Variants in ASAP2 observed in about 807,000 individuals in gnomAD.
The protein encoded by ASAP2 is ArfGAP with SH3 domain, ankyrin repeat and PH domain 2.
A neutral mutation model predicts 131.4 loss-of-function variants in ASAP2; 45 were observed. The ratio of observed to expected loss-of-function variants is 0.34; its 90% confidence interval spans 0.27 to 0.44. The LOEUF (loss-of-function observed/expected upper bound fraction) is 0.44. Ranked by LOEUF, ASAP2 falls within the 20% of genes least tolerant of loss-of-function variation. ASAP2 has a pLI of 1.00. For missense variants in ASAP2, 1,011 were observed against 1,297.0 expected (o/e 0.78, Z 3.39); for synonymous variants, 510 against 503.0 (o/e 1.01, Z -0.19).
At chr2:9,263,242 G>A (rs531607282) in intron 1 of ASAP2, among the ~76,000 whole-genome samples, 1 of 152,116 alleles carries the variant, frequency 6.6e-6, no homozygotes, top group African/African-American at 2.4e-5. Flanking sequence ...TTTCTACCTC[G>A]AGTCTGCTCT....
chr2:9,226,011 A>G (rs1572197273), intron 1 of ASAP2, among the ~76,000 whole-genome samples: 1 of 152,174 alleles, frequency 6.6e-6, no homozygotes, highest in East Asian at 1.9e-4. Flanking sequence ...AAGGAGAAAC[A>G]ATGGTTCTGC....
chr2:9,326,971 C>T (rs78990137), intron 6 of ASAP2, among the ~76,000 whole-genome samples: 1,737 of 152,128 alleles, frequency 0.011, 62 homozygotes, highest in Admixed American at 0.075. Context: ...GATACATTAC[C>T]AAATATTTAA....
At chr2:9,225,960 C>G (rs1241348960) in intron 1 of ASAP2, among the ~76,000 whole-genome samples, 1 of 152,224 alleles carries the variant, frequency 6.6e-6, no homozygotes, top group Non-Finnish European at 1.5e-5. Context: ...GCCGTGGGTT[C>G]TGCGGAGTTC....
chr2:9,378,951 C>A lies in ASAP2; in HGVS notation c.1840C>A (p.Leu614Met). 2 of 1,467,788 alleles carry A rather than the reference C, an allele frequency of 1.4e-6. No individual in the cohort carries two copies. Among genetic ancestry groups the A allele is most frequent in the Non-Finnish European group, 1.8e-6 (2 of 1,099,954 alleles). The allele number at this position is 1,467,788 out of a possible 1,614,324, so 90.9% of individuals were successfully genotyped here. A position where few individuals can be genotyped will look rare whatever the true frequency, so the allele number is the denominator to read the frequency against. ...GTTCCTGTTCTCGGGCAGTGGGAAC[C>A]TGGATAAACAGACAGGGAAAGGCAG... is the stretch of plus-strand genomic sequence containing the variant. Reference protein sequence around the residue: ...VDFLVQNSGNLDKQTGKGSTA... With the variant: ...VDFLVQNSGNMDKQTGKGSTA... Residue 614 changes from leucine (L) to methionine (M), a missense_variant, in exon 19 of 28, where the codon CTG becomes ATG. Physicochemically the swap from Leu to Met is conservative, Grantham distance 15. This residue lies in a region of ASAP2 where 652 missense variants were observed against 698.9 expected (regional missense o/e 0.93). Transcript: ENST00000281419.
rs1278891630 is a variant in ASAP2, at chr2:9,253,470, C to CA, written c.127-25846dup. Among the ~76,000 whole-genome samples, 3 of 152,130 alleles carry CA rather than the reference C, an allele frequency of 2.0e-5. No individual in the cohort carries two copies. The East Asian group carries it at 5.8e-4, about 29-fold the overall frequency. The stretch of plus-strand genomic sequence containing the variant: ...TGAACCACTGTGCCCGGCCAAAATT[C>CA]ACGTTTTAAATGTGCAGTTTAGTGG... On this transcript the variant is annotated intron_variant, in intron 1 of 27. Transcript: ENST00000281419.
chr2:9,273,691 G>A (rs1005599715), intron 1 of ASAP2, among the ~76,000 whole-genome samples: 1 of 152,186 alleles, frequency 6.6e-6, no homozygotes, highest in Non-Finnish European at 1.5e-5. Context: ...CTGTCGTTTT[G>A]TGTTGAGTCA....
At chr2:9,367,625 G>T (rs945648157) in intron 15 of ASAP2, among the ~76,000 whole-genome samples, 4 of 152,056 alleles carry the variant, frequency 2.6e-5, no homozygotes, top group African/African-American at 7.2e-5. Flanking sequence ...GCTGGGCGTG[G>T]TGGCGTGTGC....
At chr2:9,367,027 A>ATTTTT (rs1171661319) in intron 15 of ASAP2, among the ~76,000 whole-genome samples, 1 of 132,946 alleles carries the variant, frequency 7.5e-6, no homozygotes, top group Admixed American at 7.5e-5. Context: ...TGCCTGCATA[A>ATTTTT]TTTTTTTTTT....
intron 2 of ASAP2, among the ~76,000 whole-genome samples, chr2:9,283,284 G>T (rs1255373843): frequency 6.6e-6 from 1 of 152,154 alleles, no homozygotes; most frequent in Non-Finnish European, 1.5e-5. Context: ...CATCATGCTG[G>T]CTAGGCTGAT....
At chr2:9,399,909 A>G (rs1676479978) in intron 24 of ASAP2, 114 bp from the exon 25 acceptor site, 1 of 1,064,172 alleles carries the variant, frequency 9.4e-7, no homozygotes, top group South Asian at 1.4e-5. Flanking sequence ...ACAGTGGAGG[A>G]AACCACCTCA....
intron 11 of ASAP2, among the ~76,000 whole-genome samples, chr2:9,346,199 G>A (rs895353107): frequency 2.8e-4 from 42 of 152,078 alleles, no homozygotes; most frequent in African/African-American, 8.5e-4. Flanking sequence ...AGGCCGAGGC[G>A]GGCAGATCAG....
At chr2:9,279,562 G>C (rs1459110308) in intron 2 of ASAP2, among the ~76,000 whole-genome samples, 173 bp downstream of exon 2, 1 of 152,146 alleles carries the variant, frequency 6.6e-6, no homozygotes, top group Non-Finnish European at 1.5e-5. Flanking sequence ...GTTTTGTTTT[G>C]CCAGTCGTCT....
chr2:9,377,018 G>A (rs1674454136), intron 18 of ASAP2, 25 bp downstream of exon 18: 3 of 1,591,502 alleles, frequency 1.9e-6, no homozygotes, highest in Middle Eastern at 1.7e-4. Flanking sequence ...ATTAAGGGAG[G>A]CACTCGTTTT....
chr2:9,252,373 G>A (rs1664768227), intron 1 of ASAP2, among the ~76,000 whole-genome samples: 1 of 152,120 alleles, frequency 6.6e-6, no homozygotes, highest in South Asian at 2.1e-4. Flanking sequence ...TTTTGGCCAG[G>A]AGTTCAAGAC....
At chr2:9,374,990 G>T in intron 17 of ASAP2, 46 bp downstream of exon 17, 1 of 1,459,862 alleles carries the variant, frequency 6.8e-7, no homozygotes, top group East Asian at 2.4e-5. Flanking sequence ...AAAAAGGCCG[G>T]CCACGGTGGC....
intron 15 of ASAP2, among the ~76,000 whole-genome samples, chr2:9,361,972 T>TGC (rs1406827031): frequency 1.0e-4 from 13 of 129,206 alleles, no homozygotes; most frequent in African/African-American, 4.4e-4. Flanking sequence ...TCTCTTTCTC[T>TGC]GCGTGTGTGT....
In ASAP2 at chr2:9,400,798, C is replaced by T. The variant is rs146002507; in HGVS notation, c.2791C>T (p.Pro931Ser). ...TCTGTCCAATGCTATGGTCCTGCAG[C>T]CCCCTGCACCCATGCCTAGGAAGTC... The part of the protein sequence containing the change: ...GPLSNAMVLQ[P>S]PAPMPRKSQA... Residue 931 changes from proline to serine, a missense_variant, in exon 26 of 28, where the codon CCC (proline) becomes TCC (serine). Physicochemically the swap from Pro to Ser is moderately conservative, Grantham distance 74. Coordinates refer to ENST00000281419, the MANE Select transcript of ASAP2 (RefSeq NM_003887.3). 427 of 1,613,624 alleles carry T rather than the reference C, an allele frequency of 2.6e-4. 5 individuals carry two copies. The African/African-American group carries it at 5.1e-3, about 19-fold the overall frequency.
At chr2:9,250,236 C>T (rs976567490) in intron 1 of ASAP2, among the ~76,000 whole-genome samples, 2 of 152,182 alleles carry the variant, frequency 1.3e-5, no homozygotes, top group African/African-American at 2.4e-5. Context: ...GGATAAAACT[C>T]CACAAACTGT....
chr2:9,258,168 A>G (rs1665295234), intron 1 of ASAP2, among the ~76,000 whole-genome samples: 1 of 151,812 alleles, frequency 6.6e-6, no homozygotes, highest in Non-Finnish European at 1.5e-5. Flanking sequence ...AATGCAGTGG[A>G]ATTCTTCATT....
Sources: allele counts gnomAD v4.1 joint callset (sites outside exome capture counted in the v4.1 genomes callset), GRCh38; gene constraint gnomAD v4.1.1; regional missense constraint gnomAD v4.1.1; transcripts MANE v1.5; gene names NCBI Gene and HGNC (gene_info 2026-07-23, HGNC 2026-07-21).